USP25: variants seen among roughly 807,000 people sequenced by gnomAD.
USP25 encodes ubiquitin carboxyl-terminal hydrolase 25.
Under a neutral mutation model 158.5 loss-of-function variants are expected in USP25, and 85 were observed. The observed-to-expected ratio is 0.54, with a 90% CI of 0.45 to 0.64. The LOEUF (loss-of-function observed/expected upper bound fraction) is 0.64. Ranked by LOEUF, USP25 falls within the 30% of genes least tolerant of loss-of-function variation. The pLI is 0.00. For missense variants in USP25, 1,242 were observed against 1,327.3 expected (o/e 0.94, Z 1.00); for synonymous variants, 464 against 460.4 (o/e 1.01, Z -0.10).
At chr21:15,815,095 A>G (rs2036868354) in intron 9 of USP25, among the ~76,000 whole-genome samples, 1 of 152,210 alleles carries the variant, frequency 6.6e-6, no homozygotes, top group Non-Finnish European at 1.5e-5. Flanking sequence ...GAAGGGGCCA[A>G]GGTGTAGCTC....
intron 10 of USP25, among the ~76,000 whole-genome samples, chr21:15,819,595 T>A (rs2037125853): frequency 6.6e-6 from 1 of 152,156 alleles, no homozygotes. Context: ...ATATCCCTAG[T>A]GGTAATATGG....
intron 12 of USP25, among the ~76,000 whole-genome samples, chr21:15,825,851 A>G (rs7283839): frequency 0.16 from 23,960 of 152,172 alleles, 3,842 homozygotes; most frequent in African/African-American, 0.41. Context: ...ATAGGAGGAT[A>G]GTACACATCA....
chr21:15,734,389 TAAAG>T (rs1306910809), intron 1 of USP25, among the ~76,000 whole-genome samples: 1 of 152,250 alleles, frequency 6.6e-6, no homozygotes, highest in Admixed American at 6.5e-5. Context: ...AAATGTTACT[TAAAG>T]GAGGCATTCT....
chr21:15,808,229 C>T (rs1193588119), intron 7 of USP25, among the ~76,000 whole-genome samples: 2 of 152,140 alleles, frequency 1.3e-5, no homozygotes, highest in Admixed American at 6.5e-5. Flanking sequence ...ACACAACTGC[C>T]ACAACCTATT....
chr21:15,757,637 A>C (rs2123365029), intron 1 of USP25, among the ~76,000 whole-genome samples: 1 of 152,296 alleles, frequency 6.6e-6, no homozygotes, highest in East Asian at 1.9e-4. Context: ...CATGTGCCTC[A>C]TTCTTCTTAG....
intron 17 of USP25, among the ~76,000 whole-genome samples, chr21:15,841,396 T>C (rs1038324662): frequency 5.3e-5 from 8 of 152,208 alleles, no homozygotes; most frequent in African/African-American, 1.9e-4. Context: ...GAATAATTTT[T>C]TAAAAACTGC....
At chr21:15,793,322 G>A (rs966056328) in intron 5 of USP25, among the ~76,000 whole-genome samples, 1 of 151,318 alleles carries the variant, frequency 6.6e-6, no homozygotes, top group Non-Finnish European at 1.5e-5. Flanking sequence ...TGCTGATATA[G>A]GGATAATGAC....
chr21:15,743,876 C>T (rs2032292481), intron 1 of USP25: 1 of 155,160 alleles, frequency 6.4e-6, no homozygotes, highest in African/African-American at 2.4e-5. Context: ...CAGCTCTGCG[C>T]AGGCCTCCTG....
intron 7 of USP25, among the ~76,000 whole-genome samples, chr21:15,808,408 G>A (rs537677209): frequency 1.3e-5 from 2 of 152,122 alleles, no homozygotes; most frequent in African/African-American, 2.4e-5. Flanking sequence ...TAAGAGAGAA[G>A]CCAGTCATAA....
chr21:15,834,558 CATTATCATTTGAACT>C (rs1352553340), intron 17 of USP25, among the ~76,000 whole-genome samples: 1 of 152,118 alleles, frequency 6.6e-6, no homozygotes, highest in Non-Finnish European at 1.5e-5. Flanking sequence ...TGGGCTTCAG[CATTATCATTTGAACT>C]TTAGAAGGAA....
At chr21:15,743,133 A>G (rs938781093) in intron 1 of USP25, among the ~76,000 whole-genome samples, 5 of 152,148 alleles carry the variant, frequency 3.3e-5, no homozygotes, top group Admixed American at 1.3e-4. Context: ...CCTGCTGCGC[A>G]TGGCTTTGTG....
At chr21:15,853,296 TGTGTACACAC>T (rs1401426408) in intron 20 of USP25, among the ~76,000 whole-genome samples, 1 of 151,602 alleles carries the variant, frequency 6.6e-6, no homozygotes, top group East Asian at 1.9e-4. Flanking sequence ...TGTGTACACA[TGTGTACACAC>T]AGGTACACAC....
chr21:15,745,288 G>T (rs927106794), intron 1 of USP25, among the ~76,000 whole-genome samples: 6 of 152,070 alleles, frequency 3.9e-5, no homozygotes, highest in Non-Finnish European at 7.4e-5. Flanking sequence ...CTGTTGAGTT[G>T]TAGGAATTCT....
intron 16 of USP25, among the ~76,000 whole-genome samples, chr21:15,833,090 A>AT (rs1353690213): frequency 6.6e-6 from 1 of 151,856 alleles, no homozygotes. Context: ...TACTCTTAAG[A>AT]TAAAAAAAAA....
chr21:15,871,153 G>C (rs550091337), intron 23 of USP25, among the ~76,000 whole-genome samples: 7 of 152,034 alleles, frequency 4.6e-5, no homozygotes, highest in Non-Finnish European at 1.0e-4. Flanking sequence ...TCACACAAAA[G>C]GAAAAATTAA....
intron 5 of USP25, among the ~76,000 whole-genome samples, chr21:15,796,154 A>G (rs1439443103): frequency 6.6e-6 from 1 of 151,596 alleles, no homozygotes; most frequent in Non-Finnish European, 1.5e-5. Flanking sequence ...TTCAGGCAGT[A>G]AAAGTTACCC....
In USP25 at chr21:15,833,554, T is replaced by C; in HGVS notation, c.2194+6T>C. Reference sequence around the variant, plus strand: ...AGAGACTTCTGTGACAACAGGTTTGTCCATTTTTATTAAGTTGTGTTTGAT... The same window carrying C: ...AGAGACTTCTGTGACAACAGGTTTGCCCATTTTTATTAAGTTGTGTTTGAT... On this transcript the variant is annotated splice_donor_region_variant and intron_variant, in intron 17 of 25. Transcript: ENST00000400183. The C allele has an allele frequency of 3.1e-6, 5 of 1,608,370 alleles. No individual in the cohort carries two copies. The highest frequency in any genetic ancestry group is 4.2e-6 in the Non-Finnish European group (5 of 1,177,390).
At chr21:15,842,932 C>T (rs1308220461) in intron 18 of USP25, among the ~76,000 whole-genome samples, 1 of 151,984 alleles carries the variant, frequency 6.6e-6, no homozygotes, top group Non-Finnish European at 1.5e-5. Flanking sequence ...GTCATAATTT[C>T]ATGAAATGTG....
intron 3 of USP25, among the ~76,000 whole-genome samples, chr21:15,767,928 C>T (rs777873462): frequency 4.6e-5 from 7 of 151,996 alleles, no homozygotes; most frequent in South Asian, 2.1e-4. Flanking sequence ...CACCTGTTTA[C>T]GATTTTAGAT....
Sources: allele counts gnomAD v4.1 joint callset (sites outside exome capture counted in the v4.1 genomes callset), GRCh38; gene constraint gnomAD v4.1.1; transcripts MANE v1.5; gene names NCBI Gene and HGNC (gene_info 2026-07-23, HGNC 2026-07-21).